PDE4C: variants seen among roughly 807,000 people sequenced by gnomAD.
PDE4C encodes 3',5'-cyclic-AMP phosphodiesterase 4C.
In PDE4C, 50 loss-of-function variants were observed where a neutral mutation model predicts 63.9. The ratio of observed to expected loss-of-function variants is 0.78; its 90% CI spans 0.62 to 0.99. The LOEUF is 0.99. Ranked by LOEUF, PDE4C falls within the 50% of genes least tolerant of loss-of-function variation. The probability of loss-of-function intolerance (pLI) is 0.00; values close to 1 mark genes in which losing one functional copy is unlikely to be tolerated. For missense variants in PDE4C, 777 were observed against 899.1 expected, an observed-to-expected ratio of 0.86 and a Z score of 1.74; for synonymous variants, 377 against 385.1, an observed-to-expected ratio of 0.98 and a Z score of 0.25.
upstream of PDE4C, among the ~76,000 whole-genome samples, chr19:18,236,394 T>C (rs1196842423): frequency 6.6e-6 from 1 of 152,100 alleles, no homozygotes; most frequent in African/African-American, 2.4e-5. Context: ...AACTAATTTT[T>C]GTATTTTTAC....
chr19:18,226,796 G>T (rs551747582), upstream of PDE4C, among the ~76,000 whole-genome samples: 2 of 151,664 alleles, frequency 1.3e-5, no homozygotes, highest in African/African-American at 2.4e-5. Flanking sequence ...AGAGATGGGG[G>T]TGTCTCTTTA....
intron 2 of PDE4C, among the ~76,000 whole-genome samples, chr19:18,221,597 T>C (rs1319984546): frequency 6.7e-6 from 1 of 149,436 alleles, no homozygotes; most frequent in Admixed American, 6.7e-5. Context: ...TGCTGCTAAT[T>C]GGCCTTAATG....
At chr19:18,228,529 G>A (rs1968788128), upstream of PDE4C, among the ~76,000 whole-genome samples, 1 of 152,148 alleles carries the variant, frequency 6.6e-6, no homozygotes, top group African/African-American at 2.4e-5. Flanking sequence ...TCCCAGCCTG[G>A]GTCCTCCCGC....
chr19:18,229,694 G>T (rs188782022), upstream of PDE4C, among the ~76,000 whole-genome samples: 193 of 152,180 alleles, frequency 1.3e-3, no homozygotes, highest in Middle Eastern at 3.4e-3. Flanking sequence ...CTGAGACGTG[G>T]AGAGGGGAGA....
chr19:18,218,336 C>T (rs1387020496), exon 10 of PDE4C: 8 of 1,614,204 alleles, frequency 5.0e-6, no homozygotes, highest in African/African-American at 1.3e-5. Context: ...CGCAGTACCT[C>T]GAGGGCGGGC....
upstream of PDE4C, chr19:18,252,069 C>T: frequency 5.0e-6 from 2 of 398,882 alleles, no homozygotes; most frequent in Non-Finnish European, 8.8e-6. Context: ...CTCACCTGGG[C>T]CAGGGGGCTC....
chr19:18,230,540 CAGAG>C (rs1208626498), upstream of PDE4C, among the ~76,000 whole-genome samples: 3 of 152,128 alleles, frequency 2.0e-5, no homozygotes, highest in African/African-American at 7.2e-5. Flanking sequence ...GTAGCATAAA[CAGAG>C]AGCCTCTCCT....
At chr19:18,253,276 G>A in the PDE4C span, among the ~76,000 whole-genome samples, 574 of 152,256 alleles carry the variant, frequency 3.8e-3, 2 homozygotes, top group African/African-American at 0.011. Context: ...CCAGCTACTG[G>A]GGAGGCTGAG....
chr19:18,227,660 A>G (rs543930796), upstream of PDE4C, among the ~76,000 whole-genome samples: 13 of 152,322 alleles, frequency 8.5e-5, no homozygotes, highest in African/African-American at 2.9e-4. Flanking sequence ...GGAGGGACCT[A>G]GAAACAGCCA....
At chr19:18,212,309 G>A (rs968221189) in intron 13 of PDE4C, among the ~76,000 whole-genome samples, 1 of 150,862 alleles carries the variant, frequency 6.6e-6, no homozygotes, top group African/African-American at 2.4e-5. Context: ...CCAGCCTCCC[G>A]AGTAACTGGA....
At chr19:18,226,286 C>T in exon 1 of PDE4C, 3 of 1,566,528 alleles carry the variant, frequency 1.9e-6, no homozygotes, top group Non-Finnish European at 2.6e-6. Context: ...GGATGGGCCA[C>T]CGTGAAGCGC....
intron 12 of PDE4C, among the ~76,000 whole-genome samples, chr19:18,216,184 G>T (rs1222978055): frequency 1.3e-5 from 2 of 151,722 alleles, no homozygotes; most frequent in East Asian, 3.9e-4. Flanking sequence ...CCCCAGAAAC[G>T]GTTTCCACAT....
intron 1 of PDE4C, among the ~76,000 whole-genome samples, chr19:18,224,009 C>G (rs934810383): frequency 6.6e-6 from 1 of 152,198 alleles, no homozygotes; most frequent in Non-Finnish European, 1.5e-5. Context: ...CCTAGGCTCC[C>G]CCACTCCTCC....
At chr19:18,222,359 C>A in intron 1 of PDE4C, 36 bp from the exon 2 acceptor site, 2 of 1,580,302 alleles carry the variant, frequency 1.3e-6, no homozygotes, top group South Asian at 2.3e-5. Flanking sequence ...AGACGAGGGT[C>A]ATGACAACTG....
At chr19:18,251,145 A>G (rs1969224901), upstream of PDE4C, among the ~76,000 whole-genome samples, 1 of 150,074 alleles carries the variant, frequency 6.7e-6, no homozygotes, top group African/African-American at 2.5e-5. Flanking sequence ...TTCCCCCCCG[A>G]GATGGAGTCT....
exon 8 of PDE4C, chr19:18,219,373 G>A (rs148172085): frequency 1.8e-5 from 29 of 1,610,622 alleles, no homozygotes; most frequent in Non-Finnish European, 2.3e-5. Context: ...GGTCACCTTG[G>A]GCAGCTCCAC....
chr19:18,217,812 G>A (rs911574393), intron 11 of PDE4C, among the ~76,000 whole-genome samples: 3 of 152,098 alleles, frequency 2.0e-5, no homozygotes, highest in Admixed American at 6.6e-5. Context: ...CTAGACAATC[G>A]CTTGAACCTG....
exon 1 of PDE4C, chr19:18,226,368 A>G: frequency 6.7e-7 from 1 of 1,496,102 alleles, no homozygotes; most frequent in Non-Finnish European, 8.9e-7. Flanking sequence ...GGGATCCCCG[A>G]GGGGAGCCGG....
At chr19:18,246,182 ATTTT>A (rs35056580) in intron 1 of PDE4C, among the ~76,000 whole-genome samples, 3 of 112,656 alleles carry the variant, frequency 2.7e-5, no homozygotes, top group African/African-American at 6.8e-5. Flanking sequence ...CACCAGGCTA[ATTTT>A]TTTTTTTTTT....
Sources: gnomAD v4.1 joint callset for allele counts (sites outside exome capture counted in the v4.1 genomes callset) on GRCh38, gnomAD v4.1.1 for gene constraint, MANE v1.5 for transcripts, NCBI Gene and HGNC (gene_info 2026-07-23, HGNC 2026-07-21) for gene names.